IRF9: variants seen among roughly 807,000 people sequenced by gnomAD.
The protein encoded by IRF9 is IFN-alpha-responsive transcription factor subunit.
Under a neutral mutation model 44.1 loss-of-function variants are expected in IRF9, and 13 were observed. The ratio of observed to expected loss-of-function variants is 0.29; its 90% CI spans 0.19 to 0.47. The LOEUF (loss-of-function observed/expected upper bound fraction) is 0.47, where lower values mean the gene tolerates loss of function less well. Among genes scored for constraint, IRF9 ranks in the 20% least tolerant of loss-of-function variants. The pLI is 1.00. For missense variants in IRF9, 373 were observed against 496.1 expected, an observed-to-expected ratio of 0.75 and a Z score of 2.36; for synonymous variants, 189 against 188.5, an observed-to-expected ratio of 1.00 and a Z score of -0.02.
chr14:24,161,991 C>T (rs573583649), intron 1 of IRF9, among the ~76,000 whole-genome samples, 153 bp from the exon 2 acceptor site: 44 of 152,182 alleles, frequency 2.9e-4, no homozygotes, highest in African/African-American at 9.9e-4. Flanking sequence ...ACAATTCTGT[C>T]CCATAGAGTG....
intron 7 of IRF9, 112 bp from the exon 8 acceptor site, chr14:24,165,735 T>C: frequency 1.5e-6 from 1 of 677,002 alleles, no homozygotes; most frequent in Non-Finnish European, 2.5e-6. Flanking sequence ...GCTCCTGCTC[T>C]GGCAAGACCC....
At position 24,166,340 on chromosome 14, in the gene IRF9, A is replaced by C; in HGVS notation, c.*144A>C. ...ATAATCGTGTCCTGAAAATCCTCGC[A>C]CACACTGGCTGGTGGAGAACTCAAG... On this transcript the variant is annotated 3_prime_UTR_variant, in exon 9 of 9. Transcript: ENST00000396864. 1 of 739,180 alleles carries C rather than the reference A, an allele frequency of 1.4e-6. No individual in the cohort carries two copies. Among genetic ancestry groups the C allele is most frequent in the Non-Finnish European group, 2.3e-6 (1 of 432,518 alleles). 45.8% of individuals were successfully genotyped at this position (739,180 alleles called of 1,614,324 possible).
intron 7 of IRF9, 45 bp from the exon 8 acceptor site, chr14:24,165,802 C>G (rs762474853): frequency 5.7e-6 from 8 of 1,408,306 alleles, no homozygotes; most frequent in African/African-American, 1.4e-5. Flanking sequence ...CTGTGGCCCT[C>G]TCTCTTCTTT....
In IRF9 at chr14:24,166,199, C is replaced by T. The variant is rs1329124886; in HGVS notation, c.*3C>T. ...CAGCCATTCTGTCCCTGGTGTAGAG[C>T]CTGGGGGACCCATCTTCCACCTCAC... On this transcript the variant is annotated 3_prime_UTR_variant, in exon 9 of 9. Coordinates refer to ENST00000396864, the MANE Select transcript of IRF9 (RefSeq NM_006084.5). The T allele has an allele frequency of 8.7e-6, 14 of 1,613,356 alleles. No homozygotes were observed. Among genetic ancestry groups the T allele is most frequent in the Non-Finnish European group, 1.2e-5 (14 of 1,179,740 alleles).
Position 24,164,508 on chromosome 14 carries a change from GC to G in IRF9, c.650-101del. On this transcript the variant is annotated intron_variant, in intron 6 of 8. Transcript: ENST00000396864. The surrounding 1 kb of genome is among the most constrained non-coding windows in gnomAD (Gnocchi z 5.2). ...CAGTGATAGGAAAACCTGAGAGGAA[GC>G]CCCCTGGCTGGTGTGGGGAGGGGAG... The G allele has an allele frequency of 9.1e-7, 1 of 1,103,240 alleles. No homozygotes were observed. The highest frequency in any genetic ancestry group is 1.3e-6 in the Non-Finnish European group (1 of 764,658). The allele number at this position is 1,103,240 out of a possible 1,614,324, so 68.3% of individuals were successfully genotyped here. A position where few individuals can be genotyped will look rare whatever the true frequency, so the allele number is the denominator to read the frequency against.
rs1359776614 is a variant in IRF9 at position 24,164,289 on chromosome 14, T to C, written c.649+155T>C. On this transcript the variant is annotated intron_variant, in intron 6 of 8. Transcript: ENST00000396864. This position sits in a 1 kb window ranked among gnomAD's most constrained non-coding sequence, Gnocchi z 5.2. Reference sequence around the variant, plus strand: ...TGGTTTCTAGGTGGCGAGAATTCCATATGCCTGGCCAGACTCCAAAAAGCT... The same window carrying C: ...TGGTTTCTAGGTGGCGAGAATTCCACATGCCTGGCCAGACTCCAAAAAGCT... 1.4e-6 allele frequency: 1 copy of C among 697,306 alleles called. No homozygotes were observed. The highest frequency in any genetic ancestry group is 1.8e-5 in the African/African-American group (1 of 55,594). The allele number at this position is 697,306 out of a possible 1,614,324, so 43.2% of individuals were successfully genotyped here.
Position 24,166,281 on chromosome 14 carries a change from T to C in IRF9, c.*85T>C. 1 of 1,174,414 alleles carries C rather than the reference T, an allele frequency of 8.5e-7. No individual in the cohort carries two copies. The highest frequency in any genetic ancestry group is 1.2e-6 in the Non-Finnish European group (1 of 800,392). 72.7% of individuals were successfully genotyped at this position (1,174,414 alleles called of 1,614,324 possible). Reference sequence around the variant, plus strand: ...ACTCATTCTTCACACGATTGACCTGTCCTCTTTGTGATAATTCTCAGTAGT... The same window carrying C: ...ACTCATTCTTCACACGATTGACCTGCCCTCTTTGTGATAATTCTCAGTAGT... On this transcript the variant is annotated 3_prime_UTR_variant, in exon 9 of 9. Coordinates refer to ENST00000396864, the MANE Select transcript of IRF9 (RefSeq NM_006084.5).
chr14:24,165,021 C>T, intron 7 of IRF9, 66 bp downstream of exon 7: 1 of 1,453,156 alleles, frequency 6.9e-7, no homozygotes, highest in Non-Finnish European at 9.6e-7. Context: ...CTGGGCCCAA[C>T]TTGTTGGGTC....
chr14:24,163,868 G>A lies in IRF9; in HGVS notation c.496-10G>A. The A allele has an allele frequency of 6.3e-7, 1 of 1,585,692 alleles. No individual in the cohort carries two copies. The highest frequency in any genetic ancestry group is 1.2e-5 in the South Asian group (1 of 86,038). On this transcript the variant is annotated splice_polypyrimidine_tract_variant and intron_variant, in intron 4 of 8. Transcript: ENST00000396864. ...AAGAGAAAAAAAATAAAAAGACACT[G>A]TGTCCGCAGGAGGAGGAGGGGGCCA... is the stretch of plus-strand genomic sequence containing the variant.
chr14:24,162,235 G>A lies in IRF9; in HGVS notation c.91G>A (p.Asp31Asn). Residue 31 changes from aspartate (D) to asparagine (N), a missense_variant, in exon 2 of 9, where the codon GAT becomes AAT. This residue lies in a region of IRF9 where 227 missense variants were observed against 255.3 expected (regional missense o/e 0.89). Transcript: ENST00000396864. ...ESGQFPGVCW[D>N]DTAKTMFRIP... ...TGGGCAGTTTCCCGGAGTGTGCTGG[G>A]ATGATACAGCTAAGACCATGTTCCG... The A allele has an allele frequency of 6.2e-7, 1 of 1,614,172 alleles. No homozygotes were observed. Among genetic ancestry groups the A allele is most frequent in the Non-Finnish European group, 8.5e-7 (1 of 1,180,044 alleles).
chr14:24,165,260 A>G (rs1369491972), intron 7 of IRF9: 1 of 695,486 alleles, frequency 1.4e-6, no homozygotes, highest in Non-Finnish European at 2.6e-6. Context: ...GTGAAGGTGC[A>G]CAGAAGAATT....
At chr14:24,166,047 G>A (rs2038517770) in intron 8 of IRF9, 75 bp from the exon 9 acceptor site, 1 of 1,577,132 alleles carries the variant, frequency 6.3e-7, no homozygotes, top group South Asian at 1.1e-5. Context: ...CTCCCAGTGG[G>A]GAAGGAGCTC....
chr14:24,163,858 A>G lies in IRF9; in HGVS notation c.496-20A>G. The G allele has an allele frequency of 6.3e-7, 1 of 1,583,994 alleles. No individual in the cohort carries two copies. Among genetic ancestry groups the G allele is most frequent in the South Asian group, 1.2e-5 (1 of 85,714 alleles). ...GTCTCAAAAAAAGAGAAAAAAAATA[A>G]AAAGACACTGTGTCCGCAGGAGGAG... On this transcript the variant is annotated intron_variant, in intron 4 of 8. Coordinates refer to ENST00000396864, the MANE Select transcript of IRF9 (RefSeq NM_006084.5).
Position 24,164,070 on chromosome 14 carries a change from C to T in IRF9, c.585C>T (p.Asp195=), listed in dbSNP as rs1282765500. The change falls in exon 6 of 9, where the codon GAC becomes GAT. Residue 195 remains aspartate, a synonymous_variant. Coordinates refer to ENST00000396864, the MANE Select transcript of IRF9 (RefSeq NM_006084.5). This position sits in a 1 kb window ranked among gnomAD's most constrained non-coding sequence, Gnocchi z 5.2. ...CCTTTGCTTCCCTTCCAGTTACAGA[C>T]ACAACTGAGGCCCCCTTTCAAGGGG... The part of the protein sequence containing the change: ...SSSPEPQEVT[D]TTEAPFQGDQ... 3.7e-6 allele frequency: 6 copies of T among 1,614,016 alleles called. No homozygotes were observed. The African/African-American group carries it at 8.0e-5, about 22-fold the overall frequency.
chr14:24,161,688 G>C (rs1013656377), intron 1 of IRF9, among the ~76,000 whole-genome samples: 2 of 152,192 alleles, frequency 1.3e-5, no homozygotes, highest in Non-Finnish European at 2.9e-5. Context: ...GGGCCGGCAG[G>C]GGGTGGGGGT....
rs1473792230 is a variant in IRF9, at chr14:24,163,506, A to C, written c.493A>C (p.Asn165His). The C allele has an allele frequency of 6.2e-7, 1 of 1,613,840 alleles. No individual in the cohort carries two copies. The highest frequency in any genetic ancestry group is 2.2e-5 in the East Asian group (1 of 44,876). The change falls in exon 4 of 9, where the codon AAT becomes CAT. Residue 165 changes from asparagine (N) to histidine (H), a missense_variant and splice_region_variant. Physicochemically the swap from Asn to His is moderately conservative, Grantham distance 68 (BLOSUM62 1). Transcript: ENST00000396864. ...CTCTGTGCTCCAGGACTCCCTCAAT[A>C]ATGTAAGAGATGGAGAGGGAACTGG... is the stretch of plus-strand genomic sequence containing the variant. The part of the protein sequence containing the change: ...SPSVLQDSLN[N>H]EEEGASGGAV...
In IRF9 at chr14:24,163,378, G is replaced by T. The variant is rs1265662520; in HGVS notation, c.365G>T (p.Gly122Val). The change falls in exon 4 of 9, where the codon GGC (glycine) becomes GTC (valine). Residue 122 changes from glycine (G) to valine (V), a missense_variant and splice_region_variant. Around this residue, in one of 2 missense-constraint regions of IRF9, gnomAD observed 227 missense variants for 255.3 expected, o/e 0.89. Transcript: ENST00000396864. ...YQLLPPGIVS[G>V]QPGTQKVPSK... is the part of the protein sequence containing the mutation. Reference sequence around the variant, plus strand: ...TCTCTGTCCCTCAACAATTCCACAGGCCAGCCAGGGACTCAGAAAGTACCA... The same window carrying T: ...TCTCTGTCCCTCAACAATTCCACAGTCCAGCCAGGGACTCAGAAAGTACCA... 1.9e-6 allele frequency: 3 copies of T among 1,613,386 alleles called. No individual in the cohort carries two copies. In the East Asian group the frequency reaches 6.7e-5, roughly 36 times the overall value.
chr14:24,162,572 TG>T (rs2038473385), intron 2 of IRF9: 1 of 465,440 alleles, frequency 2.1e-6, no homozygotes, highest in South Asian at 2.6e-5. Flanking sequence ...GAGGCCAAGG[TG>T]GGTGGATCAC....
chr14:24,165,941 A>G lies in IRF9; in HGVS notation c.1086A>G (p.Pro362=). 6.2e-7 allele frequency: 1 copy of G among 1,614,032 alleles called. No homozygotes were observed. Residue 362 remains proline (P), a synonymous_variant, in exon 8 of 9, where the codon CCA becomes CCG. Transcript: ENST00000396864. ...AGAGCCATGGCTCCAGCCATACTCC[A>G]CAGAATCTTATCACAGTGAAGGTGA... The part of the protein sequence containing the change: ...WEESHGSSHT[P]QNLITVKMEQ...
Sources: gnomAD v4.1 joint callset for allele counts (sites outside exome capture counted in the v4.1 genomes callset) on GRCh38, gnomAD v4.1.1 for gene constraint, gnomAD v4.1.1 regional missense constraint, Gnocchi (gnomAD v3.1) non-coding constraint, MANE v1.5 for transcripts, NCBI Gene and HGNC (gene_info 2026-07-23, HGNC 2026-07-21) for gene names.